Variants in TRAPPC9 observed in about 807,000 individuals in gnomAD.
The protein encoded by TRAPPC9 is IKK2 binding protein.
TRAPPC9 carries 83 observed loss-of-function variants against 124.0 expected under a neutral mutation model. The observed-to-expected ratio is 0.67, with a 90% CI of 0.56 to 0.80. The LOEUF (loss-of-function observed/expected upper bound fraction) is 0.80, where lower values mean the gene tolerates loss of function less well. Ranked by LOEUF, TRAPPC9 falls within the 30% of genes least tolerant of loss-of-function variation. The pLI, the probability that TRAPPC9 is intolerant of heterozygous loss-of-function variation, is 0.00. For synonymous variants in TRAPPC9, 638 were observed against 617.5 expected, an observed-to-expected ratio of 1.03 and a Z score of -0.49; for missense variants, 1,302 against 1,508.3, an observed-to-expected ratio of 0.86 and a Z score of 2.27.
chr8:140,211,477 T>C (rs2063060494), intron 17 of TRAPPC9, among the ~76,000 whole-genome samples: 1 of 152,176 alleles, frequency 6.6e-6, no homozygotes. Flanking sequence ...GAGAATCACT[T>C]GAGCCCAGGA....
rs2131574325 is a variant in TRAPPC9, at chr8:140,264,779, G to A, written c.2278+10879C>T. Among the ~76,000 whole-genome samples the A allele has an allele frequency of 2.0e-5, 3 of 152,228 alleles. No individual in the cohort carries two copies. The Middle Eastern group carries it at 0.01, about 518-fold the overall frequency. ...TTCCAGGCCCTGGCAGACCAAGGAA[G>A]CCAAACCATCAGTCTTGGGACTGCA... On this transcript the variant is annotated intron_variant, in intron 15 of 22. Transcript: ENST00000438773.
rs1563884324 is a variant in TRAPPC9, at chr8:140,252,799, A to T, written c.2409T>A (p.Asn803Lys). 2 of 1,613,922 alleles carry T rather than the reference A, an allele frequency of 1.2e-6. No individual in the cohort carries two copies. Among genetic ancestry groups the T allele is most frequent in the Non-Finnish European group, 1.7e-6 (2 of 1,179,972 alleles). ...KVKLDFSCQE[N>K]LLQDLSDDGI... ...TACCATCACTGAGATCCTGCAGGAG[A>T]TTCTCCTGGCAGGAGAAATCCAGCT... Residue 803 changes from asparagine to lysine, a missense_variant, in exon 16 of 23, where the codon AAT (asparagine) becomes AAA (lysine). Physicochemically the swap from Asn to Lys is moderately conservative, Grantham distance 94. Around this residue, in one of 3 missense-constraint regions of TRAPPC9, gnomAD observed 640 missense variants for 679.3 expected, o/e 0.94. Coordinates refer to ENST00000438773, the MANE Select transcript of TRAPPC9 (RefSeq NM_001160372.4). This position sits in a 1 kb window ranked among gnomAD's most constrained non-coding sequence, Gnocchi z 4.2.
rs546404306 is a variant in TRAPPC9, at chr8:140,382,526, C to A, written c.1135-11346G>T. Among the ~76,000 whole-genome samples, 7 of 151,980 alleles carry A rather than the reference C, an allele frequency of 4.6e-5. No homozygotes were observed. In the East Asian group the frequency reaches 1.4e-3, roughly 30 times the overall value. On this transcript the variant is annotated intron_variant, in intron 7 of 22. Coordinates refer to ENST00000438773, the MANE Select transcript of TRAPPC9 (RefSeq NM_001160372.4). ...ATGGCTGGGAGGGTCCCACGCCCGG[C>A]TGGGAGGGTCCCACGCCCACGGAGC...
chr8:139,885,846 C>T lies in TRAPPC9; in HGVS notation c.3055+33G>A, dbSNP rs1029920364. On this transcript the variant is annotated intron_variant, in intron 21 of 22. Coordinates refer to ENST00000438773, the MANE Select transcript of TRAPPC9 (RefSeq NM_001160372.4). Reference sequence around the variant, plus strand: ...CATTTGGAGAAAAGGAGCACATCCACCCAGAATCGATGGGTGGCTGGCGGG... The same window carrying T: ...CATTTGGAGAAAAGGAGCACATCCATCCAGAATCGATGGGTGGCTGGCGGG... The T allele has an allele frequency of 6.5e-6, 10 of 1,546,946 alleles. No individual in the cohort carries two copies. The African/African-American group carries it at 9.6e-5, about 15-fold the overall frequency.
At chr8:139,799,476 A>G (rs1338859836) in intron 21 of TRAPPC9, among the ~76,000 whole-genome samples, 1 of 152,164 alleles carries the variant, frequency 6.6e-6, no homozygotes, top group East Asian at 1.9e-4. Flanking sequence ...AACCACATCC[A>G]TGGAGGGGCC....
chr8:140,036,043 C>T (rs1840853691), intron 17 of TRAPPC9, among the ~76,000 whole-genome samples: 1 of 152,166 alleles, frequency 6.6e-6, no homozygotes, highest in Admixed American at 6.5e-5. Context: ...CCAACTCACC[C>T]GTCACTGGAC....
At chr8:139,782,966 T>C (rs1052040493) in intron 21 of TRAPPC9, among the ~76,000 whole-genome samples, 3 of 151,954 alleles carry the variant, frequency 2.0e-5, no homozygotes, top group Non-Finnish European at 4.4e-5. Context: ...AAGAAGAAAT[T>C]AAGTGAGAAA....
intron 9 of TRAPPC9, among the ~76,000 whole-genome samples, chr8:140,340,268 A>T (rs1262351627): frequency 6.6e-6 from 1 of 152,236 alleles, no homozygotes; most frequent in Non-Finnish European, 1.5e-5. Context: ...TTTGGGTAAC[A>T]ATCACCTGCA....
At chr8:140,033,284 A>G (rs868724270) in intron 17 of TRAPPC9, among the ~76,000 whole-genome samples, 2 of 152,236 alleles carry the variant, frequency 1.3e-5, no homozygotes, top group Admixed American at 6.5e-5. Context: ...TGACACAGGT[A>G]ATTGATTTGT....
chr8:140,102,534 G>T (rs1037166862), intron 17 of TRAPPC9, among the ~76,000 whole-genome samples: 1 of 152,054 alleles, frequency 6.6e-6, no homozygotes, highest in Non-Finnish European at 1.5e-5. Context: ...TGGGGGAGAA[G>T]AAGACATAGT....
At chr8:140,066,442 G>A (rs1026257789) in intron 17 of TRAPPC9, among the ~76,000 whole-genome samples, 2 of 152,188 alleles carry the variant, frequency 1.3e-5, no homozygotes, top group Non-Finnish European at 2.9e-5. Context: ...GCTCCCCCAC[G>A]GGCCACACAA....
chr8:139,782,662 A>G (rs540147197), intron 21 of TRAPPC9, among the ~76,000 whole-genome samples: 1 of 152,368 alleles, frequency 6.6e-6, no homozygotes, highest in Non-Finnish European at 1.5e-5. Context: ...CAGCAAATAG[A>G]AAATCAGCCA....
chr8:139,915,565 AGT>A (rs1832070412), intron 19 of TRAPPC9, among the ~76,000 whole-genome samples: 1 of 152,296 alleles, frequency 6.6e-6, no homozygotes, highest in East Asian at 1.9e-4. Context: ...TTTTTAATAA[AGT>A]AAGGACTTCA....
At chr8:140,306,297 C>A (rs2066132310) in intron 10 of TRAPPC9, among the ~76,000 whole-genome samples, 1 of 152,008 alleles carries the variant, frequency 6.6e-6, no homozygotes, top group South Asian at 2.1e-4. Flanking sequence ...GGTTTGAGAC[C>A]AGCCTGGCGA....
chr8:140,010,357 A>G (rs1839040515), intron 18 of TRAPPC9, among the ~76,000 whole-genome samples: 1 of 152,202 alleles, frequency 6.6e-6, no homozygotes, highest in Admixed American at 6.5e-5. Context: ...TTTTTACTGA[A>G]GCCCGAATGA....
intron 21 of TRAPPC9, among the ~76,000 whole-genome samples, chr8:139,770,994 G>T (rs1820919926): frequency 6.6e-6 from 1 of 152,216 alleles, no homozygotes; most frequent in South Asian, 2.1e-4. Context: ...AAGAGGGTTG[G>T]GTAGAGGAAC....
intron 2 of TRAPPC9, among the ~76,000 whole-genome samples, chr8:140,443,173 C>T (rs1336056388): frequency 1.5e-5 from 2 of 131,022 alleles, no homozygotes; most frequent in South Asian, 2.6e-4. Context: ...CGGTGGCTCA[C>T]ACCTGTAATC....
At chr8:140,427,441 A>G (rs931119745) in intron 4 of TRAPPC9, among the ~76,000 whole-genome samples, 1 of 152,096 alleles carries the variant, frequency 6.6e-6, no homozygotes, top group Admixed American at 6.6e-5. Context: ...TCATCAAGTT[A>G]AAGATTTCCA....
At chr8:139,927,419 T>C (rs1223555261) in intron 19 of TRAPPC9, among the ~76,000 whole-genome samples, 2 of 152,162 alleles carry the variant, frequency 1.3e-5, no homozygotes, top group Admixed American at 1.3e-4. Context: ...TAATGTTTTT[T>C]ATTTTTAGTA....
Sources: gnomAD v4.1 joint callset for allele counts (sites outside exome capture counted in the v4.1 genomes callset) on GRCh38, gnomAD v4.1.1 for gene constraint, gnomAD v4.1.1 regional missense constraint, Gnocchi (gnomAD v3.1) non-coding constraint, MANE v1.5 for transcripts, NCBI Gene and HGNC (gene_info 2026-07-23, HGNC 2026-07-21) for gene names.